The following PSMB2 variants were observed in gnomAD, a reference collection of about 807,000 sequenced individuals.
PSMB2 encodes proteasome 20S subunit beta 2, also known as proteasome subunit beta type-2.
Under a neutral mutation model 25.7 loss-of-function variants are expected in PSMB2, and 13 were observed. The observed-to-expected ratio is 0.51, with a 90% confidence interval of 0.33 to 0.80. The LOEUF is 0.80. Among genes scored for constraint, PSMB2 ranks in the 30% least tolerant of loss-of-function variants. The pLI, the probability that PSMB2 is intolerant of heterozygous loss-of-function variation, is 0.02. For synonymous variants in PSMB2, 87 were observed against 96.2 expected (o/e 0.90, Z 0.56); for missense variants, 202 against 259.0 (o/e 0.78, Z 1.51).
At chr1:35,611,984 A>G (rs1380221553) in intron 3 of PSMB2, among the ~76,000 whole-genome samples, 1 of 152,080 alleles carries the variant, frequency 6.6e-6, no homozygotes, top group Non-Finnish European at 1.5e-5. Flanking sequence ...AACTCATATT[A>G]TATACTTACT....
intron 2 of PSMB2, chr1:35,631,571 C>A (rs1571140522): frequency 1.7e-6 from 2 of 1,202,358 alleles, no homozygotes; most frequent in East Asian, 6.2e-5. Context: ...AGAACCAGTT[C>A]TATAGTGGAA....
At chr1:35,610,706 G>A (rs1227765148) in intron 3 of PSMB2, among the ~76,000 whole-genome samples, 9 of 152,156 alleles carry the variant, frequency 5.9e-5, no homozygotes, top group Non-Finnish European at 5.9e-5. Context: ...ATGTTGGCCA[G>A]GTTGGTCTCG....
In PSMB2 at chr1:35,601,356, G is replaced by A. The variant is rs1649994616; in HGVS notation, c.*1911C>T. The A allele has an allele frequency of 1.0e-6, 1 of 984,466 alleles. No homozygotes were observed. Among genetic ancestry groups the A allele is most frequent in the African/African-American group, 1.7e-5 (1 of 57,198 alleles). 61.0% of individuals were successfully genotyped at this position (984,466 alleles called of 1,614,324 possible). ...GCCAAAGTGCTGGGATTACAGGCAT[G>A]AGCCACCGCACCCGGCCAACCTGTG... is the stretch of plus-strand genomic sequence containing the variant. On this transcript the variant is annotated 3_prime_UTR_variant, in exon 6 of 6. Transcript: ENST00000373237.
In PSMB2 at chr1:35,633,019, A is replaced by T. The variant is rs114958198; in HGVS notation, c.215-1675T>A. Among the ~76,000 whole-genome samples the T allele has an allele frequency of 6.2e-3, 949 of 152,274 alleles. 13 individuals are homozygous for T. The highest frequency in any genetic ancestry group is 0.022 in the African/African-American group (899 of 41,542). ...TGGATCACCTGGGGACAGGAGTTTAAGACCAGCCTGGCCACCATAGCGAAA... is the reference window on the plus strand; with the variant it reads ...TGGATCACCTGGGGACAGGAGTTTATGACCAGCCTGGCCACCATAGCGAAA... On this transcript the variant is annotated intron_variant, in intron 2 of 5. Transcript: ENST00000373237.
At position 35,603,069 on chromosome 1, in the gene PSMB2, A is replaced by G. The variant is rs1443678648; in HGVS notation, c.*198T>C. The G allele has an allele frequency of 7.4e-7, 1 of 1,345,260 alleles. No individual in the cohort carries two copies. Among genetic ancestry groups the G allele is most frequent in the Non-Finnish European group, 9.5e-7 (1 of 1,048,948 alleles). 83.3% of individuals were successfully genotyped at this position (1,345,260 alleles called of 1,614,324 possible). ...GCAGGAAGAAAAGTCAGACCTGGCAAAAAGATCATCTTCCCTCCATATCCT... is the reference window on the plus strand; with the variant it reads ...GCAGGAAGAAAAGTCAGACCTGGCAGAAAGATCATCTTCCCTCCATATCCT... On this transcript the variant is annotated 3_prime_UTR_variant, in exon 6 of 6. Coordinates refer to ENST00000373237, the MANE Select transcript of PSMB2 (RefSeq NM_002794.5).
chr1:35,604,046 C>T (rs1047079678), intron 5 of PSMB2, among the ~76,000 whole-genome samples: 112 of 143,442 alleles, frequency 7.8e-4, no homozygotes, highest in Admixed American at 1.2e-3. Context: ...AAAAAAAAAG[C>T]GGGGGGTGGG....
At position 35,609,114 on chromosome 1, in the gene PSMB2, G is replaced by A; in HGVS notation, c.448+132C>T. 9.2e-6 allele frequency: 8 copies of A among 867,940 alleles called. No homozygotes were observed. In the South Asian group the frequency reaches 2.2e-4, roughly 24 times the overall value. 53.8% of individuals were successfully genotyped at this position (867,940 alleles called of 1,614,324 possible). The stretch of plus-strand genomic sequence containing the variant: ...GACAGAAGAGTGCAGCTTCCAGAGG[G>A]GAACCTGGTTATGCTTCTTAGGATC... On this transcript the variant is annotated intron_variant, in intron 4 of 5. Transcript: ENST00000373237.
chr1:35,626,915 A>C (rs1296224905), intron 3 of PSMB2, among the ~76,000 whole-genome samples: 1 of 152,272 alleles, frequency 6.6e-6, no homozygotes, highest in African/African-American at 2.4e-5. Flanking sequence ...TTTTTTAAGA[A>C]CAAAAGTTGA....
rs1651392081 is a variant in PSMB2, at chr1:35,641,372, C to T, written c.61G>A (p.Ala21Thr). 3.1e-6 allele frequency: 5 copies of T among 1,614,080 alleles called. No homozygotes were observed. Among genetic ancestry groups the T allele is most frequent in the Non-Finnish European group, 4.2e-6 (5 of 1,180,012 alleles). The change falls in exon 1 of 6, where the codon GCC becomes ACC. Residue 21 changes from alanine to threonine, a missense_variant. Ala to Thr is a moderately conservative substitution (Grantham distance 58). Coordinates refer to ENST00000373237, the MANE Select transcript of PSMB2 (RefSeq NM_002794.5). The part of the protein sequence containing the change: ...DYVLVASDRV[A>T]ASNIVQMKDD... ...TTCATCTGGACAATATTGCTGGCGG[C>T]CACCCGGTCGGAGGCGACAAGAACA...
intron 3 of PSMB2, among the ~76,000 whole-genome samples, chr1:35,629,995 GA>G (rs1651044006): frequency 6.6e-6 from 1 of 151,904 alleles, no homozygotes. Flanking sequence ...GACCAACATG[GA>G]GAAACCCCGT....
chr1:35,633,198 G>A (rs1651151271), intron 2 of PSMB2, among the ~76,000 whole-genome samples: 1 of 148,932 alleles, frequency 6.7e-6, no homozygotes, highest in African/African-American at 2.5e-5. Flanking sequence ...TCCAATCTGA[G>A]CAACAGAACG....
In PSMB2 at chr1:35,602,844, C is replaced by T. The variant is rs1433547930; in HGVS notation, c.*423G>A. 1.2e-6 allele frequency: 1 copy of T among 858,284 alleles called. No homozygotes were observed. The highest frequency in any genetic ancestry group is 1.4e-6 in the Non-Finnish European group (1 of 711,470). 53.2% of individuals were successfully genotyped at this position (858,284 alleles called of 1,614,324 possible). A position where few individuals can be genotyped will look rare whatever the true frequency, so the allele number is the denominator to read the frequency against. On this transcript the variant is annotated 3_prime_UTR_variant, in exon 6 of 6. Coordinates refer to ENST00000373237, the MANE Select transcript of PSMB2 (RefSeq NM_002794.5). Reference sequence around the variant, plus strand: ...ATGTTTTTGTACTGTTTGCATGTTACATTAAGTGCATGTATTATTAATTCA... The same window carrying T: ...ATGTTTTTGTACTGTTTGCATGTTATATTAAGTGCATGTATTATTAATTCA...
intron 1 of PSMB2, among the ~76,000 whole-genome samples, chr1:35,638,938 C>T (rs564004105): frequency 4.5e-4 from 69 of 152,234 alleles, no homozygotes; most frequent in African/African-American, 1.5e-3. Context: ...CAAGCTCCAT[C>T]GTGAAATGAA....
intron 1 of PSMB2, among the ~76,000 whole-genome samples, chr1:35,639,230 G>C (rs1651328939): frequency 6.6e-6 from 1 of 151,962 alleles, no homozygotes; most frequent in Admixed American, 6.6e-5. Context: ...CTCCAGCCTG[G>C]GTGACAGAGC....
intron 3 of PSMB2, among the ~76,000 whole-genome samples, chr1:35,610,409 C>T (rs1650294874): frequency 6.6e-6 from 1 of 151,996 alleles, no homozygotes; most frequent in African/African-American, 2.4e-5. Flanking sequence ...CACTGAACTC[C>T]AGCCTGGGTT....
intron 3 of PSMB2, among the ~76,000 whole-genome samples, chr1:35,612,704 T>C (rs1650377232): frequency 6.6e-6 from 1 of 152,200 alleles, no homozygotes; most frequent in African/African-American, 2.4e-5. Flanking sequence ...GTAAGTTAAA[T>C]CTTTTTGCTA....
intron 3 of PSMB2, among the ~76,000 whole-genome samples, chr1:35,619,042 G>C (rs1280312913): frequency 6.6e-6 from 1 of 152,210 alleles, no homozygotes; most frequent in East Asian, 1.9e-4. Flanking sequence ...CTCTGAAAAT[G>C]AGACTGTCTA....
intron 2 of PSMB2, among the ~76,000 whole-genome samples, chr1:35,635,828 C>CAAAAAAAA (rs1163061850): frequency 6.6e-3 from 222 of 33,862 alleles, no homozygotes; most frequent in Non-Finnish European, 0.01. Context: ...GACTCCGTCT[C>CAAAAAAAA]AAAAAAAAAA....
At chr1:35,619,608 A>T (rs1650617928) in intron 3 of PSMB2, among the ~76,000 whole-genome samples, 1 of 152,234 alleles carries the variant, frequency 6.6e-6, no homozygotes, top group East Asian at 1.9e-4. Context: ...AAAAAATTTA[A>T]ATATTGTGTA....
Sources: allele counts gnomAD v4.1 joint callset (sites outside exome capture counted in the v4.1 genomes callset), GRCh38; gene constraint gnomAD v4.1.1; transcripts MANE v1.5; gene names NCBI Gene and HGNC (gene_info 2026-07-23, HGNC 2026-07-21).